Variants in CSNK1E observed in about 807,000 individuals in gnomAD.
CSNK1E encodes casein kinase 1 epsilon, also known as casein kinase I isoform epsilon.
Under a neutral mutation model 46.1 loss-of-function variants are expected in CSNK1E, and 17 were observed. The observed-to-expected ratio is 0.37, with a 90% CI of 0.25 to 0.55. The LOEUF (loss-of-function observed/expected upper bound fraction) is 0.55, where lower values mean the gene tolerates loss of function less well. Ranked by LOEUF, CSNK1E falls within the 20% of genes least tolerant of loss-of-function variation. The pLI is 0.82. For missense variants in CSNK1E, 386 were observed against 595.4 expected (o/e 0.65, Z 3.66); for synonymous variants, 241 against 242.6 (o/e 0.99, Z 0.06).
chr22:38,307,210 G>A (rs750372124), intron 2 of CSNK1E, among the ~76,000 whole-genome samples: 23 of 151,912 alleles, frequency 1.5e-4, no homozygotes, highest in Non-Finnish European at 2.6e-4. Context: ...TAAAAATACA[G>A]TACAATAACT....
rs1394764139 is a variant in CSNK1E at position 38,316,412 on chromosome 22, G to A, written c.-13+748C>T. 2.0e-5 allele frequency among the ~76,000 whole-genome samples: 3 copies of A among 152,296 alleles called. 1 individual carries two copies. In the South Asian group the frequency reaches 6.2e-4, roughly 32 times the overall value. On this transcript the variant is annotated intron_variant, in intron 1 of 10. Coordinates refer to ENST00000396832, the MANE Select transcript of CSNK1E (RefSeq NM_152221.3). ...CTTCTCCAGGAAGGAGGCTATGCCAGGAAGAAAATATGCAAGAAAACTAAG... is the reference window on the plus strand; with the variant it reads ...CTTCTCCAGGAAGGAGGCTATGCCAAGAAGAAAATATGCAAGAAAACTAAG...
intron 2 of CSNK1E, among the ~76,000 whole-genome samples, chr22:38,307,868 G>C (rs2092705238): frequency 6.6e-6 from 1 of 152,110 alleles, no homozygotes; most frequent in Admixed American, 6.6e-5. Flanking sequence ...GCTAATTTTT[G>C]TATTTTTTGT....
Position 38,303,044 on chromosome 22 carries a change from AGAGG to A in CSNK1E, c.188-39_188-36del, listed in dbSNP as rs1325778024. The A allele has an allele frequency of 6.8e-7, 1 of 1,463,740 alleles. No individual in the cohort carries two copies. The highest frequency in any genetic ancestry group is 9.0e-7 in the Non-Finnish European group (1 of 1,114,778). The allele number at this position is 1,463,740 out of a possible 1,614,324, so 90.7% of individuals were successfully genotyped here. On this transcript the variant is annotated intron_variant, in intron 3 of 10. Transcript: ENST00000396832. This position sits in a 1 kb window ranked among gnomAD's most constrained non-coding sequence, Gnocchi z 4.7. ...AAGCAGAGGGCCTCTGTCAGGGGTC[AGAGG>A]CAGGCAGCCAGCCACGCCCGGCCCA...
chr22:38,294,600 C>A lies in CSNK1E; in HGVS notation c.886-66G>T. Reference sequence around the variant, plus strand: ...CCAGGGTGCTCTGGGCCCAGCAGCCCTGCAGGGCACAGAAGGGGAGGGAGG... The same window carrying A: ...CCAGGGTGCTCTGGGCCCAGCAGCCATGCAGGGCACAGAAGGGGAGGGAGG... On this transcript the variant is annotated intron_variant, in intron 7 of 10. Transcript: ENST00000396832. This position sits in a 1 kb window ranked among gnomAD's most constrained non-coding sequence, Gnocchi z 5.5. 6.9e-7 allele frequency: 1 copy of A among 1,452,002 alleles called. No individual in the cohort carries two copies. Among genetic ancestry groups the A allele is most frequent in the South Asian group, 1.3e-5 (1 of 77,474 alleles). The allele number at this position is 1,452,002 out of a possible 1,614,324, so 89.9% of individuals were successfully genotyped here.
chr22:38,307,298 G>A (rs780731303), intron 2 of CSNK1E, among the ~76,000 whole-genome samples: 3 of 151,890 alleles, frequency 2.0e-5, no homozygotes, highest in Non-Finnish European at 2.9e-5. Context: ...AAGGCCAGGT[G>A]CCAGCATTTT....
chr22:38,306,282 G>A (rs537994434), intron 2 of CSNK1E, among the ~76,000 whole-genome samples: 1 of 152,256 alleles, frequency 6.6e-6, no homozygotes, highest in East Asian at 1.9e-4. Flanking sequence ...AGGAAGGGGT[G>A]GGGGACGCTT....
rs796380152 is a variant in CSNK1E, at chr22:38,314,772, G to A, written c.-12-603C>T. Among the ~76,000 whole-genome samples, 8 of 152,298 alleles carry A rather than the reference G, an allele frequency of 5.3e-5. 1 individual carries two copies. The East Asian group carries it at 1.4e-3, about 26-fold the overall frequency. On this transcript the variant is annotated intron_variant, in intron 1 of 10. Coordinates refer to ENST00000396832, the MANE Select transcript of CSNK1E (RefSeq NM_152221.3). Reference sequence around the variant, plus strand: ...AAGAGGGCCCTCATAGAACAACAAAGGGGACTGAGCCAGGGTTTTAGCCGC... The same window carrying A: ...AAGAGGGCCCTCATAGAACAACAAAAGGGACTGAGCCAGGGTTTTAGCCGC...
chr22:38,296,734 A>T (rs957023887), intron 7 of CSNK1E: 3 of 1,591,866 alleles, frequency 1.9e-6, no homozygotes, highest in Non-Finnish European at 2.6e-6. Flanking sequence ...GTGAGACTCC[A>T]TAAGGGAGGA....
intron 2 of CSNK1E, among the ~76,000 whole-genome samples, chr22:38,308,230 TAAAAGA>T (rs1490904716): frequency 6.6e-6 from 1 of 152,100 alleles, no homozygotes; most frequent in East Asian, 1.9e-4. Context: ...GGATTTTTAA[TAAAAGA>T]AAAAGAAAAA....
rs1016811039 is a variant in CSNK1E at position 38,300,194 on chromosome 22, G to C, written c.566-129C>G. On this transcript the variant is annotated intron_variant, in intron 5 of 10. Coordinates refer to ENST00000396832, the MANE Select transcript of CSNK1E (RefSeq NM_152221.3). This position sits in a 1 kb window ranked among gnomAD's most constrained non-coding sequence, Gnocchi z 4.4. ...CCACGTCGGATGTTGCTCACTGCAC[G>C]CATTTTAAACAGGCACTGCTATTAT... 8.6e-6 allele frequency: 7 copies of C among 810,052 alleles called. No homozygotes were observed. The highest frequency in any genetic ancestry group is 1.3e-5 in the Non-Finnish European group (7 of 524,422). 50.2% of individuals were successfully genotyped at this position (810,052 alleles called of 1,614,324 possible).
At chr22:38,314,760 T>C (rs1308071110) in intron 1 of CSNK1E, among the ~76,000 whole-genome samples, 2 of 152,092 alleles carry the variant, frequency 1.3e-5, no homozygotes, top group Non-Finnish European at 2.9e-5. Context: ...AGGGCCCTCA[T>C]AGAACAACAA....
rs778699294 is a variant in CSNK1E at position 38,298,703 on chromosome 22, C to T, written c.885+83G>A. 146 of 1,543,700 alleles carry T rather than the reference C, an allele frequency of 9.5e-5. 4 individuals are homozygous for T. The highest frequency in any genetic ancestry group is 6.6e-4 in the South Asian group (58 of 88,320). ...CCTCCCGTCTGTCGGGAGCCCCTCC[C>T]GCCACCAGCTCACTCTGGCCCTCTG... On this transcript the variant is annotated intron_variant, in intron 7 of 10. Coordinates refer to ENST00000396832, the MANE Select transcript of CSNK1E (RefSeq NM_152221.3). This position sits in a 1 kb window ranked among gnomAD's most constrained non-coding sequence, Gnocchi z 4.2.
intron 4 of CSNK1E, among the ~76,000 whole-genome samples, 173 bp downstream of exon 4, chr22:38,302,688 G>A (rs1463816116): frequency 6.6e-6 from 1 of 152,150 alleles, no homozygotes; most frequent in Non-Finnish European, 1.5e-5. Context: ...TCCAGCCTGG[G>A]CGACAGAGTG....
intron 2 of CSNK1E, among the ~76,000 whole-genome samples, chr22:38,312,369 G>T (rs1054002833): frequency 6.6e-6 from 1 of 152,208 alleles, no homozygotes; most frequent in Non-Finnish European, 1.5e-5. Context: ...GGCGTTACAG[G>T]TGTGAGCCAC....
chr22:38,314,427 C>T (rs569993722), intron 1 of CSNK1E, among the ~76,000 whole-genome samples: 2 of 152,232 alleles, frequency 1.3e-5, no homozygotes, highest in East Asian at 3.9e-4. Context: ...ATTCAGGGGC[C>T]CCTCAAAAGA....
At chr22:38,296,988 G>A (rs1439923908) in intron 7 of CSNK1E, 1 of 641,300 alleles carries the variant, frequency 1.6e-6, no homozygotes, top group African/African-American at 1.8e-5. Context: ...TGGCCAGGCT[G>A]GTCTTAAACT....
At position 38,314,067 on chromosome 22, in the gene CSNK1E, G is replaced by C. The variant is rs761798313; in HGVS notation, c.76+15C>G. The C allele has an allele frequency of 6.2e-7, 1 of 1,611,448 alleles. No individual in the cohort carries two copies. The highest frequency in any genetic ancestry group is 1.7e-5 in the Admixed American group (1 of 60,006). Reference sequence around the variant, plus strand: ...GCTGGCCCCAGGGGCTCCAGCTGGAGCTAGGAACACTTACCCAGGTAGATA... The same window carrying C: ...GCTGGCCCCAGGGGCTCCAGCTGGACCTAGGAACACTTACCCAGGTAGATA... On this transcript the variant is annotated intron_variant, in intron 2 of 10. Coordinates refer to ENST00000396832, the MANE Select transcript of CSNK1E (RefSeq NM_152221.3).
chr22:38,316,131 G>T (rs2092744544), intron 1 of CSNK1E, among the ~76,000 whole-genome samples: 2 of 151,192 alleles, frequency 1.3e-5, no homozygotes, highest in Non-Finnish European at 3.0e-5. Flanking sequence ...AAAGTGGGGG[G>T]AAAAGTGGAT....
Position 38,294,608 on chromosome 22 carries a change from C to A in CSNK1E, c.886-74G>T, listed in dbSNP as rs1209999547. 4 of 1,406,422 alleles carry A rather than the reference C, an allele frequency of 2.8e-6. No individual in the cohort carries two copies. Among genetic ancestry groups the A allele is most frequent in the Non-Finnish European group, 2.9e-6 (3 of 1,049,528 alleles). The allele number at this position is 1,406,422 out of a possible 1,614,324, so 87.1% of individuals were successfully genotyped here. ...CTCTGGGCCCAGCAGCCCTGCAGGG[C>A]ACAGAAGGGGAGGGAGGCCAGGTGG... On this transcript the variant is annotated intron_variant, in intron 7 of 10. Coordinates refer to ENST00000396832, the MANE Select transcript of CSNK1E (RefSeq NM_152221.3). This position sits in a 1 kb window ranked among gnomAD's most constrained non-coding sequence, Gnocchi z 5.5.
Sources: gnomAD v4.1 joint callset for allele counts (sites outside exome capture counted in the v4.1 genomes callset) on GRCh38, gnomAD v4.1.1 for gene constraint, Gnocchi (gnomAD v3.1) non-coding constraint, MANE v1.5 for transcripts, NCBI Gene and HGNC (gene_info 2026-07-23, HGNC 2026-07-21) for gene names.